The following ABCA2 variants were observed in gnomAD, a reference collection of about 807,000 sequenced individuals.
ABCA2 encodes ATP binding cassette subfamily A member 2.
Under a neutral mutation model 262.8 loss-of-function variants are expected in ABCA2, and 84 were observed. The ratio of observed to expected loss-of-function variants is 0.32; its 90% confidence interval spans 0.27 to 0.38. ABCA2 has a LOEUF of 0.38. Among genes scored for constraint, ABCA2 ranks in the 10% least tolerant of loss-of-function variants. ABCA2 has a pLI of 1.00. For missense variants in ABCA2, 2,662 were observed against 3,405.9 expected, an observed-to-expected ratio of 0.78 and a Z score of 5.44; for synonymous variants, 1,696 against 1,502.9, an observed-to-expected ratio of 1.13 and a Z score of -2.97.
At chr9:137,014,561 C>G (rs1214272023) in intron 26 of ABCA2, 129 bp downstream of exon 26, 2 of 1,482,944 alleles carry the variant, frequency 1.3e-6, no homozygotes, top group Admixed American at 2.1e-5. Context: ...CAGGCTAACC[C>G]CGGGGCGTCC....
intron 46 of ABCA2, 31 bp from the exon 47 acceptor site, chr9:137,008,899 C>CT: frequency 3.3e-6 from 5 of 1,522,250 alleles, no homozygotes; most frequent in Non-Finnish European, 3.5e-6. Flanking sequence ...GGCCTGGCAG[C>CT]GCCCCCCCAC....
At position 137,020,654 on chromosome 9, in the gene ABCA2, GGCTGTCCTCCTCACCCCCATTCCCCT is replaced by G. The variant is rs1273544350; in HGVS notation, c.1265+14_1265+39del. 1 of 1,594,194 alleles carries G rather than the reference GGCTGTCCTCCTCACCCCCATTCCCCT, an allele frequency of 6.3e-7. No individual in the cohort carries two copies. Among genetic ancestry groups the G allele is most frequent in the East Asian group, 2.2e-5 (1 of 44,820 alleles). On this transcript the variant is annotated intron_variant, in intron 9 of 48. Coordinates refer to ENST00000341511, the MANE Select transcript of ABCA2 (RefSeq NM_001606.5). Reference sequence around the variant, plus strand: ...GATTCAGGGCTCACGCCCTGCCCCTGGCTGTCCTCCTCACCCCCATTCCCCTGCCGCCCACCTACCGGTTGTTGCCA... The same window carrying G: ...GATTCAGGGCTCACGCCCTGCCCCTGGCCGCCCACCTACCGGTTGTTGCCA...
rs1295295864 is a variant in ABCA2, at chr9:137,016,070, C to A, written c.3209G>T (p.Cys1070Phe). Reference protein sequence around the residue: ...MDEIRKNLGMCPQHNVLFDRL... With the variant: ...MDEIRKNLGMFPQHNVLFDRL... ...GTCAAAGAGCACATTGTGCTGCGGG[C>A]ACATGCCCAGGTTCTTGCGGATCTC... Residue 1070 changes from cysteine (C) to phenylalanine (F), a missense_variant, in exon 22 of 49, where the codon TGC becomes TTC. Transcript: ENST00000341511. 6.2e-7 allele frequency: 1 copy of A among 1,612,820 alleles called. No individual in the cohort carries two copies. The highest frequency in any genetic ancestry group is 1.7e-5 in the Admixed American group (1 of 60,014).
Position 137,027,969 on chromosome 9 carries a change from C to T in ABCA2, c.66+106G>A, listed in dbSNP as rs1050100532. 7.6e-6 allele frequency: 4 copies of T among 529,266 alleles called. No homozygotes were observed. The African/African-American group carries it at 8.3e-5, about 11-fold the overall frequency. The allele number at this position is 529,266 out of a possible 1,614,324, so 32.8% of individuals were successfully genotyped here. A position where few individuals can be genotyped will look rare whatever the true frequency, so the allele number is the denominator to read the frequency against. Reference sequence around the variant, plus strand: ...GGCCCGCGCCGCCCCCAGCGCCCGCCGGGGTCTGCGCGCGCCCGGCCGTCC... The same window carrying T: ...GGCCCGCGCCGCCCCCAGCGCCCGCTGGGGTCTGCGCGCGCCCGGCCGTCC... On this transcript the variant is annotated intron_variant, in intron 1 of 48. Coordinates refer to ENST00000341511, the MANE Select transcript of ABCA2 (RefSeq NM_001606.5).
In ABCA2 at chr9:137,016,295, T is replaced by C. The variant is rs1831257309; in HGVS notation, c.3100A>G (p.Thr1034Ala). ...LGHNGAGKTT[T>A]MSILTGLFPP... ...CCCTGCCCCTCCGACACTCACATGGTGGTGGTCTTGCCCGCCCCGTTGTGG... is the reference window on the plus strand; with the variant it reads ...CCCTGCCCCTCCGACACTCACATGGCGGTGGTCTTGCCCGCCCCGTTGTGG... Residue 1034 changes from threonine to alanine, a missense_variant, in exon 21 of 49, where the codon ACC becomes GCC. By Grantham distance (58) the Thr-to-Ala change is moderately conservative. Coordinates refer to ENST00000341511, the MANE Select transcript of ABCA2 (RefSeq NM_001606.5). 1.2e-6 allele frequency: 2 copies of C among 1,612,666 alleles called. No homozygotes were observed. Among genetic ancestry groups the C allele is most frequent in the Non-Finnish European group, 1.7e-6 (2 of 1,179,894 alleles).
intron 26 of ABCA2, 134 bp downstream of exon 26, chr9:137,014,556 T>C (rs1831184959): frequency 3.4e-6 from 5 of 1,473,104 alleles, no homozygotes; most frequent in African/African-American, 2.8e-5. Flanking sequence ...GACCGCAGGC[T>C]AACCCCGGGG....
At chr9:137,024,081 A>G in intron 2 of ABCA2, 62 bp downstream of exon 2, 1 of 1,539,468 alleles carries the variant, frequency 6.5e-7, no homozygotes. Context: ...GTGCACACAC[A>G]GCGCAGGCGT....
rs757976443 is a variant in ABCA2 at position 137,019,128 on chromosome 9, G to A, written c.1554+50C>T. 6.2e-7 allele frequency: 1 copy of A among 1,603,678 alleles called. No individual in the cohort carries two copies. Among genetic ancestry groups the A allele is most frequent in the African/African-American group, 1.3e-5 (1 of 74,862 alleles). On this transcript the variant is annotated intron_variant, in intron 11 of 48. Coordinates refer to ENST00000341511, the MANE Select transcript of ABCA2 (RefSeq NM_001606.5). This position sits in a 1 kb window ranked among gnomAD's most constrained non-coding sequence, Gnocchi z 4.4. Reference sequence around the variant, plus strand: ...TGCGCCTGCCGAGCCGGGCAGAGAGGGGCTCCCCACACCACCCACAGCCGC... The same window carrying A: ...TGCGCCTGCCGAGCCGGGCAGAGAGAGGCTCCCCACACCACCCACAGCCGC...
At chr9:137,009,697 A>G in intron 43 of ABCA2, 53 bp from the exon 44 acceptor site, 3 of 1,611,480 alleles carry the variant, frequency 1.9e-6, no homozygotes, top group Non-Finnish European at 2.5e-6. Context: ...CCCCAGCCTG[A>G]ACGCTGCCCC....
Position 137,016,060 on chromosome 9 carries a change from G to A in ABCA2, c.3219C>T (p.His1073=), listed in dbSNP as rs1434052964. Residue 1073 remains histidine, a synonymous_variant, in exon 22 of 49, where the codon CAC becomes CAT. Coordinates refer to ENST00000341511, the MANE Select transcript of ABCA2 (RefSeq NM_001606.5). ...IRKNLGMCPQ[H]NVLFDRLTVE... ...CCGTGAGCCGGTCAAAGAGCACATT[G>A]TGCTGCGGGCACATGCCCAGGTTCT... 1.9e-6 allele frequency: 3 copies of A among 1,612,742 alleles called. No individual in the cohort carries two copies. The highest frequency in any genetic ancestry group is 8.5e-7 in the Non-Finnish European group (1 of 1,180,002).
At chr9:137,024,318 GC>G in intron 1 of ABCA2, 82 bp from the exon 2 acceptor site, 2 of 1,270,070 alleles carry the variant, frequency 1.6e-6, no homozygotes, top group Non-Finnish European at 2.2e-6. Context: ...GGCTGGCCCA[GC>G]CCAGACAGGA....
chr9:137,017,141 G>A lies in ABCA2; in HGVS notation c.2554-17C>T. On this transcript the variant is annotated splice_polypyrimidine_tract_variant and intron_variant, in intron 18 of 48. Coordinates refer to ENST00000341511, the MANE Select transcript of ABCA2 (RefSeq NM_001606.5). ...CATGAGGGACTGAGAAGGCAGTGGT[G>A]TCAGCACGTGGGGTGGCCCGGCACC... is the stretch of plus-strand genomic sequence containing the variant. 2 of 1,611,932 alleles carry A rather than the reference G, an allele frequency of 1.2e-6. No individual in the cohort carries two copies. The highest frequency in any genetic ancestry group is 2.2e-5 in the East Asian group (1 of 44,870).
In ABCA2 at chr9:137,019,611, G is replaced by A. The variant is rs1001291171; in HGVS notation, c.1426-305C>T. On this transcript the variant is annotated intron_variant, in intron 10 of 48. Transcript: ENST00000341511. This position sits in a 1 kb window ranked among gnomAD's most constrained non-coding sequence, Gnocchi z 4.4. Reference sequence around the variant, plus strand: ...CTAATTTTGTATTTTTGGTAGAGACGGGCTTCCGCTATGTTGCTCGGGCTT... The same window carrying A: ...CTAATTTTGTATTTTTGGTAGAGACAGGCTTCCGCTATGTTGCTCGGGCTT... The A allele has an allele frequency of 3.3e-5, 11 of 330,920 alleles. No homozygotes were observed. The highest frequency in any genetic ancestry group is 2.2e-4 in the South Asian group (7 of 31,894). 20.5% of individuals were successfully genotyped at this position (330,920 alleles called of 1,614,324 possible). A position where few individuals can be genotyped will look rare whatever the true frequency, so the allele number is the denominator to read the frequency against.
chr9:137,009,961 G>A, intron 42 of ABCA2, 22 bp downstream of exon 42: 1 of 1,595,414 alleles, frequency 6.3e-7, no homozygotes, highest in Non-Finnish European at 8.5e-7. Context: ...CTGACTCCCT[G>A]CCCCGCCCCA....
Position 137,019,991 on chromosome 9 carries a change from C to G in ABCA2, c.1425+345G>C. ...TGGCCTCTGCTTGTTCCAGACAGGA[C>G]CCCTCACCCAGAACCCAAACTGCCC... On this transcript the variant is annotated intron_variant, in intron 10 of 48. Coordinates refer to ENST00000341511, the MANE Select transcript of ABCA2 (RefSeq NM_001606.5). The surrounding 1 kb of genome is among the most constrained non-coding windows in gnomAD (Gnocchi z 4.4). The G allele has an allele frequency of 3.4e-6, 1 of 294,420 alleles. No individual in the cohort carries two copies. Among genetic ancestry groups the G allele is most frequent in the East Asian group, 8.9e-5 (1 of 11,230 alleles). The allele number at this position is 294,420 out of a possible 1,614,324, so 18.2% of individuals were successfully genotyped here.
rs779268182 is a variant in ABCA2, at chr9:137,018,828, G to T, written c.1723-13C>A. 2.5e-6 allele frequency: 4 copies of T among 1,612,554 alleles called. No individual in the cohort carries two copies. Among genetic ancestry groups the T allele is most frequent in the Non-Finnish European group, 3.4e-6 (4 of 1,179,738 alleles). ...TGTCCACGCTCACCTAGCGGGAGGG[G>T]CATCGCTGGAGCCCGCCGTGGGCAT... is the stretch of plus-strand genomic sequence containing the variant. On this transcript the variant is annotated splice_polypyrimidine_tract_variant and intron_variant, in intron 12 of 48. Transcript: ENST00000341511.
intron 6 of ABCA2, 108 bp downstream of exon 6, chr9:137,022,243 A>G: frequency 7.1e-7 from 1 of 1,411,144 alleles, no homozygotes. Context: ...CAAGGTTCAG[A>G]CGGTCTGGGC....
At chr9:137,015,933 C>CGGGGGGGGGGGGGGG in intron 22 of ABCA2, 29 bp downstream of exon 22, 1 of 1,500,316 alleles carries the variant, frequency 6.7e-7, no homozygotes, top group Non-Finnish European at 9.0e-7. Context: ...CTCCGCCCAC[C>CGGGGGGGGGGGGGGG]TGCCCCGCCC....
At chr9:137,023,566 C>T in intron 3 of ABCA2, 2 of 748,672 alleles carry the variant, frequency 2.7e-6, no homozygotes, top group East Asian at 2.5e-5. Context: ...AGCCGAGGCA[C>T]CCCAGCCCTA....
Sources: gnomAD v4.1 joint callset for allele counts on GRCh38, gnomAD v4.1.1 for gene constraint, Gnocchi (gnomAD v3.1) non-coding constraint, MANE v1.5 for transcripts, NCBI Gene and HGNC (gene_info 2026-07-23, HGNC 2026-07-21) for gene names.